CEP112: variants seen among roughly 807,000 people sequenced by gnomAD.
CEP112 encodes the protein centrosomal protein 112.
Under a neutral mutation model 153.0 loss-of-function variants are expected in CEP112, and 127 were observed. That is an observed-to-expected ratio of 0.83 (90% CI 0.72 to 0.96). The LOEUF (loss-of-function observed/expected upper bound fraction) is 0.96, where lower values mean the gene tolerates loss of function less well. Among genes scored for constraint, CEP112 ranks in the 40% least tolerant of loss-of-function variants. The pLI is 0.00. For synonymous variants in CEP112, 358 were observed against 374.4 expected, an observed-to-expected ratio of 0.96 and a Z score of 0.51; for missense variants, 1,089 against 1,101.2, an observed-to-expected ratio of 0.99 and a Z score of 0.16.
At chr17:65,953,057 G>T (rs2061889090) in intron 18 of CEP112, among the ~76,000 whole-genome samples, 1 of 150,534 alleles carries the variant, frequency 6.6e-6, no homozygotes. Context: ...TCCATTTTCT[G>T]GTTTGCCTTG....
chr17:65,991,598 G>A (rs979991658), intron 17 of CEP112, among the ~76,000 whole-genome samples: 9 of 151,902 alleles, frequency 5.9e-5, no homozygotes, highest in African/African-American at 1.2e-4. Flanking sequence ...TTGAAAGTTC[G>A]AATTTGTTTT....
intron 20 of CEP112, among the ~76,000 whole-genome samples, chr17:65,897,904 G>T (rs560299491): frequency 6.6e-6 from 1 of 151,780 alleles, no homozygotes; most frequent in East Asian, 1.9e-4. Flanking sequence ...TCAGAACTGA[G>T]AACTAGAAAA....
chr17:65,823,726 A>G (rs1183709470), intron 21 of CEP112, among the ~76,000 whole-genome samples: 1 of 152,178 alleles, frequency 6.6e-6, no homozygotes, highest in Non-Finnish European at 1.5e-5. Flanking sequence ...CACATATCTT[A>G]TAAACAACTT....
At chr17:66,140,595 A>G (rs1049317760) in intron 4 of CEP112, among the ~76,000 whole-genome samples, 1 of 152,206 alleles carries the variant, frequency 6.6e-6, no homozygotes, top group African/African-American at 2.4e-5. Flanking sequence ...ACATACAAAA[A>G]TCAGTAGCAC....
At chr17:65,971,832 GAA>G (rs1234267094) in intron 17 of CEP112, among the ~76,000 whole-genome samples, 3 of 152,078 alleles carry the variant, frequency 2.0e-5, no homozygotes, top group African/African-American at 4.8e-5. Flanking sequence ...CAACACTAAA[GAA>G]AGTAAATTTA....
chr17:66,094,305 C>A (rs909575341), intron 8 of CEP112, among the ~76,000 whole-genome samples: 1 of 152,070 alleles, frequency 6.6e-6, no homozygotes, highest in African/African-American at 2.4e-5. Context: ...AGTGATCCGC[C>A]CACCTCAGCC....
chr17:65,784,771 C>T lies in CEP112; in HGVS notation c.2395-34047G>A, dbSNP rs944635770. ...TGGGATTGCAGAGTGAGCCACCATA[C>T]CCAGCCAGATTTTCTATTTTTAATA... On this transcript the variant is annotated intron_variant, in intron 21 of 26. Coordinates refer to ENST00000535342, the MANE Select transcript of CEP112 (RefSeq NM_001199165.4). Among the ~76,000 whole-genome samples the T allele has an allele frequency of 4.6e-5, 7 of 152,138 alleles. 1 individual carries two copies. The highest frequency in any genetic ancestry group is 4.6e-4 in the Admixed American group (7 of 15,272).
intron 18 of CEP112, among the ~76,000 whole-genome samples, chr17:65,959,317 G>A (rs2062112925): frequency 6.6e-6 from 1 of 152,198 alleles, no homozygotes; most frequent in Admixed American, 6.5e-5. Flanking sequence ...GGACACCCTG[G>A]CTGCAGAAAG....
intron 18 of CEP112, among the ~76,000 whole-genome samples, chr17:65,950,839 A>G (rs908933183): frequency 6.6e-6 from 1 of 152,020 alleles, no homozygotes; most frequent in Admixed American, 6.6e-5. Flanking sequence ...AAAGAATTAA[A>G]TCTTCCAACA....
At chr17:65,715,427 C>A (rs1045693568) in intron 23 of CEP112, among the ~76,000 whole-genome samples, 2 of 151,976 alleles carry the variant, frequency 1.3e-5, no homozygotes, top group Admixed American at 1.3e-4. Flanking sequence ...AAAGAAGAGG[C>A]AGCAAATGTA....
At chr17:66,058,028 G>A (rs1401119930) in intron 11 of CEP112, among the ~76,000 whole-genome samples, 1 of 151,930 alleles carries the variant, frequency 6.6e-6, no homozygotes, top group African/African-American at 2.4e-5. Flanking sequence ...AGGAGGCAAA[G>A]GTTGCAGTGA....
intron 12 of CEP112, among the ~76,000 whole-genome samples, chr17:66,033,085 A>C (rs2065562180): frequency 6.6e-6 from 1 of 152,230 alleles, no homozygotes; most frequent in Non-Finnish European, 1.5e-5. Flanking sequence ...TGCACAAAGC[A>C]ATCTATGGAT....
At chr17:65,920,203 G>A (rs189557888) in intron 19 of CEP112, among the ~76,000 whole-genome samples, 20 of 150,318 alleles carry the variant, frequency 1.3e-4, no homozygotes, top group Admixed American at 6.6e-4. Context: ...AAATTAGCCA[G>A]GAGTGGTGGC....
intron 20 of CEP112, among the ~76,000 whole-genome samples, chr17:65,856,630 G>A (rs2058129062): frequency 6.6e-6 from 1 of 152,130 alleles, no homozygotes; most frequent in Admixed American, 6.5e-5. Flanking sequence ...GGGAGCATAA[G>A]TACAGTTTTG....
chr17:65,907,167 G>A (rs1370159136), intron 19 of CEP112, among the ~76,000 whole-genome samples: 3 of 152,144 alleles, frequency 2.0e-5, no homozygotes, highest in East Asian at 3.9e-4. Flanking sequence ...CTGTGAGATC[G>A]TTAGTAATGA....
intron 16 of CEP112, among the ~76,000 whole-genome samples, chr17:66,025,332 T>G (rs72838532): frequency 0.51 from 77,813 of 151,342 alleles, 20,853 homozygotes; most frequent in African/African-American, 0.59. Flanking sequence ...ATCAATAGAG[T>G]GAAAAGACAA....
At chr17:65,673,088 G>A (rs570402317) in intron 24 of CEP112, among the ~76,000 whole-genome samples, 41 of 152,288 alleles carry the variant, frequency 2.7e-4, no homozygotes, top group African/African-American at 9.9e-4. Context: ...AAATCAAGGT[G>A]TCAGCTGGCC....
At chr17:65,806,359 G>A (rs554947217) in intron 21 of CEP112, among the ~76,000 whole-genome samples, 17 of 152,386 alleles carry the variant, frequency 1.1e-4, no homozygotes, top group African/African-American at 4.1e-4. Context: ...GTAGTCATTG[G>A]AAAATACAAG....
At position 65,814,299 on chromosome 17, in the gene CEP112, A is replaced by G. The variant is rs9905304; in HGVS notation, c.2394+37505T>C. On this transcript the variant is annotated intron_variant, in intron 21 of 26. Coordinates refer to ENST00000535342, the MANE Select transcript of CEP112 (RefSeq NM_001199165.4). ...GAAGCCCTTTCTTGGTCCCAAAACC[A>G]AGCTGTCTGCTCTGTATGCTCTCAT... is the stretch of plus-strand genomic sequence containing the variant. 2.8e-3 allele frequency among the ~76,000 whole-genome samples: 431 copies of G among 152,286 alleles called. 1 individual carries two copies. The highest frequency in any genetic ancestry group is 0.01 in the African/African-American group (416 of 41,570).
Sources: gnomAD v4.1 joint callset for allele counts (sites outside exome capture counted in the v4.1 genomes callset) on GRCh38, gnomAD v4.1.1 for gene constraint, MANE v1.5 for transcripts, NCBI Gene and HGNC (gene_info 2026-07-23, HGNC 2026-07-21) for gene names.